The following MCCC2 variants were observed in gnomAD, a reference collection of about 807,000 sequenced individuals.
MCCC2 encodes the protein methylcrotonyl-CoA carboxylase subunit 2.
Under a neutral mutation model 77.2 loss-of-function variants are expected in MCCC2, and 52 were observed. The observed-to-expected ratio is 0.67, with a 90% CI of 0.54 to 0.85. The LOEUF is 0.85. MCCC2 is among the 40% of genes least tolerant of loss of function. MCCC2 has a pLI of 0.00. For missense variants in MCCC2, 682 were observed against 703.2 expected (o/e 0.97, Z 0.34); for synonymous variants, 253 against 248.4 (o/e 1.02, Z -0.18).
Position 71,649,103 on chromosome 5 carries a change from T to C in MCCC2, c.1223T>C (p.Met408Thr). The change falls in exon 14 of 17, where the codon ATG (methionine) becomes ACG (threonine). Residue 408 changes from methionine to threonine, a missense_variant. By Grantham distance (81) the Met-to-Thr change is moderately conservative. Coordinates refer to ENST00000340941, the MANE Select transcript of MCCC2 (RefSeq NM_022132.5). ...LLFLQNITGF[M>T]VGREYEAEGI... Reference sequence around the variant, plus strand: ...TTTCTGATCTTTCTCTCAGGATTTATGGTTGGTAGAGAGTATGAAGCTGAA... The same window carrying C: ...TTTCTGATCTTTCTCTCAGGATTTACGGTTGGTAGAGAGTATGAAGCTGAA... 1 of 1,614,254 alleles carries C rather than the reference T, an allele frequency of 6.2e-7. No homozygotes were observed. Among genetic ancestry groups the C allele is most frequent in the Non-Finnish European group, 8.5e-7 (1 of 1,180,038 alleles).
At chr5:71,606,380 T>A (rs1293202910) in intron 6 of MCCC2, among the ~76,000 whole-genome samples, 6 of 152,186 alleles carry the variant, frequency 3.9e-5, no homozygotes, top group Non-Finnish European at 8.8e-5. Flanking sequence ...TCTGTTTGTC[T>A]GTTGTTGGTA....
At chr5:71,636,011 C>T (rs554197749) in intron 10 of MCCC2, 18 of 243,376 alleles carry the variant, frequency 7.4e-5, no homozygotes, top group South Asian at 7.1e-4. Context: ...TGTGTATATA[C>T]GCACATTTTT....
intron 6 of MCCC2, among the ~76,000 whole-genome samples, chr5:71,614,379 A>C: frequency 6.6e-6 from 1 of 151,906 alleles, no homozygotes. Context: ...GGTGGTCCAC[A>C]CCTCTAATCC....
intron 2 of MCCC2, among the ~76,000 whole-genome samples, chr5:71,593,437 A>C (rs934071147): frequency 1.3e-5 from 2 of 152,010 alleles, no homozygotes; most frequent in African/African-American, 4.8e-5. Context: ...GCAGGCATTT[A>C]ATTTTATTTT....
At chr5:71,625,801 C>T (rs1746511866) in intron 6 of MCCC2, among the ~76,000 whole-genome samples, 1 of 152,108 alleles carries the variant, frequency 6.6e-6, no homozygotes, top group South Asian at 2.1e-4. Context: ...TTGATTATAC[C>T]AGTATGGCAT....
intron 3 of MCCC2, among the ~76,000 whole-genome samples, chr5:71,599,198 G>A (rs552353660): frequency 3.3e-5 from 5 of 152,026 alleles, no homozygotes; most frequent in South Asian, 2.1e-4. Flanking sequence ...GTGAAACCCC[G>A]TCTCTACTAA....
chr5:71,618,459 T>A (rs981730823), intron 6 of MCCC2, among the ~76,000 whole-genome samples: 2 of 150,660 alleles, frequency 1.3e-5, no homozygotes, highest in Admixed American at 6.6e-5. Flanking sequence ...ATTTCTTTTT[T>A]AAATTCTTTC....
intron 13 of MCCC2, among the ~76,000 whole-genome samples, chr5:71,647,366 G>C (rs1394605068): frequency 6.6e-6 from 1 of 152,170 alleles, no homozygotes; most frequent in African/African-American, 2.4e-5. Flanking sequence ...GTTGAGAGAA[G>C]TTATATCCAA....
intron 10 of MCCC2, among the ~76,000 whole-genome samples, chr5:71,639,453 T>C (rs1002312470): frequency 2.0e-5 from 3 of 152,176 alleles, no homozygotes; most frequent in African/African-American, 7.2e-5. Flanking sequence ...ATTTTTCTTC[T>C]GCGACTTCAC....
At chr5:71,637,251 T>C (rs1026580205) in intron 10 of MCCC2, among the ~76,000 whole-genome samples, 1 of 152,334 alleles carries the variant, frequency 6.6e-6, no homozygotes, top group South Asian at 2.1e-4. Flanking sequence ...TTAGAACTTG[T>C]GTCATTTGTG....
intron 3 of MCCC2, among the ~76,000 whole-genome samples, chr5:71,597,871 G>A (rs1274229979): frequency 2.0e-5 from 3 of 152,146 alleles, no homozygotes; most frequent in East Asian, 3.9e-4. Context: ...ATGTAAGTAA[G>A]TGAGAGGCGG....
chr5:71,598,157 C>T (rs372006075), intron 3 of MCCC2, among the ~76,000 whole-genome samples: 4 of 151,554 alleles, frequency 2.6e-5, no homozygotes, highest in South Asian at 2.1e-4. Flanking sequence ...ACTTAACCTC[C>T]GCCTCCTGGG....
chr5:71,605,669 A>T (rs903210124), intron 6 of MCCC2, among the ~76,000 whole-genome samples: 1 of 151,622 alleles, frequency 6.6e-6, no homozygotes. Context: ...TATGTCCTGA[A>T]TGGTAATGCC....
chr5:71,624,391 T>C (rs923050577), intron 6 of MCCC2, among the ~76,000 whole-genome samples: 1 of 152,236 alleles, frequency 6.6e-6, no homozygotes, highest in African/African-American at 2.4e-5. Context: ...TTTTTCTTTT[T>C]TTTTGAGACG....
intron 1 of MCCC2, among the ~76,000 whole-genome samples, chr5:71,588,033 C>T (rs1469401957): frequency 6.6e-6 from 1 of 152,130 alleles, no homozygotes; most frequent in Non-Finnish European, 1.5e-5. Flanking sequence ...CTTTGGGAGG[C>T]CCTGGCGGGT....
At chr5:71,644,994 T>G (rs1232026578) in intron 12 of MCCC2, among the ~76,000 whole-genome samples, 6 of 152,160 alleles carry the variant, frequency 3.9e-5, no homozygotes, top group Non-Finnish European at 5.9e-5. Flanking sequence ...TGATATGCTA[T>G]ATATAGAGAG....
chr5:71,636,901 A>T (rs1746952206), intron 10 of MCCC2, among the ~76,000 whole-genome samples: 2 of 151,058 alleles, frequency 1.3e-5, no homozygotes, highest in African/African-American at 4.9e-5. Flanking sequence ...CCGCCACCAT[A>T]CCTGGCTAAT....
intron 1 of MCCC2, among the ~76,000 whole-genome samples, chr5:71,589,511 C>T (rs377435680): frequency 7.9e-5 from 12 of 152,280 alleles, no homozygotes; most frequent in East Asian, 3.9e-4. Flanking sequence ...TTCTCATGGC[C>T]GAAGGCACAG....
intron 2 of MCCC2, among the ~76,000 whole-genome samples, chr5:71,594,918 A>G (rs1438371336): frequency 6.8e-6 from 1 of 146,674 alleles, no homozygotes; most frequent in Non-Finnish European, 1.5e-5. Context: ...TTTTTTACTG[A>G]GACGGAGTCT....
Sources: gnomAD v4.1 joint callset for allele counts (sites outside exome capture counted in the v4.1 genomes callset) on GRCh38, gnomAD v4.1.1 for gene constraint, MANE v1.5 for transcripts, NCBI Gene and HGNC (gene_info 2026-07-23, HGNC 2026-07-21) for gene names.